FHIT: variants seen among roughly 807,000 people sequenced by gnomAD.
The protein encoded by FHIT is bis(5'-adenosyl)-triphosphatase.
In FHIT, 19 loss-of-function variants were observed where a neutral mutation model predicts 17.9. The ratio of observed to expected loss-of-function variants is 1.06; its 90% confidence interval spans 0.74 to 1.56. The LOEUF (loss-of-function observed/expected upper bound fraction) is 1.56. Among genes scored for constraint, FHIT ranks in the 40% most tolerant of loss-of-function variants. The pLI, the probability that FHIT is intolerant of heterozygous loss-of-function variation, is 0.00. For missense variants in FHIT, 248 were observed against 189.2 expected, an observed-to-expected ratio of 1.31 and a Z score of -1.82; for synonymous variants, 81 against 69.7, an observed-to-expected ratio of 1.16 and a Z score of -0.81.
intron 5 of FHIT, among the ~76,000 whole-genome samples, chr3:60,017,555 A>G (rs1330367799): frequency 2.6e-5 from 4 of 152,216 alleles, no homozygotes; most frequent in Non-Finnish European, 5.9e-5. Flanking sequence ...CTTGTTGGAC[A>G]GTCTAATTAC....
rs534086746 is a variant in FHIT, at chr3:61,224,939, T to C, written c.-212-24274A>G. Among the ~76,000 whole-genome samples the C allele has an allele frequency of 2.0e-5, 3 of 152,340 alleles. No homozygotes were observed. In the South Asian group the frequency reaches 6.2e-4, roughly 32 times the overall value. On this transcript the variant is annotated intron_variant, in intron 1 of 9. Transcript: ENST00000492590. ...GTTTTTACATGCATCTTCTCTTATA[T>C]AACACCATGAGATAAGTACTATTAT...
chr3:59,803,527 C>T (rs1700081719), intron 8 of FHIT, among the ~76,000 whole-genome samples: 1 of 152,176 alleles, frequency 6.6e-6, no homozygotes, highest in South Asian at 2.1e-4. Context: ...AGGCAGAAGG[C>T]CTCACTTTGA....
At position 60,629,351 on chromosome 3, in the gene FHIT, A is replaced by G. The variant is rs555460419; in HGVS notation, c.-17-92372T>C. The stretch of plus-strand genomic sequence containing the variant: ...TTAGGGAGATTCTTCAGATTTGCTC[A>G]CATAAGTGCTTTTGATTTGTCATAT... On this transcript the variant is annotated intron_variant, in intron 4 of 9. Coordinates refer to ENST00000492590, the MANE Select transcript of FHIT (RefSeq NM_002012.4). 4.3e-4 allele frequency among the ~76,000 whole-genome samples: 65 copies of G among 152,298 alleles called. 2 individuals are homozygous for G. In the South Asian group the frequency reaches 0.013, roughly 31 times the overall value.
chr3:60,156,590 A>G (rs572873433), intron 5 of FHIT, among the ~76,000 whole-genome samples: 2 of 150,870 alleles, frequency 1.3e-5, no homozygotes, highest in African/African-American at 2.4e-5. Flanking sequence ...CTCTATAAAA[A>G]TTTTTTTTTA....
chr3:61,047,777 G>T (rs1169037782), intron 2 of FHIT, among the ~76,000 whole-genome samples: 1 of 151,846 alleles, frequency 6.6e-6, no homozygotes, highest in African/African-American at 2.4e-5. Context: ...CCAAAACAGA[G>T]ATATAGACCA....
At chr3:60,374,211 A>T (rs1470604294) in intron 5 of FHIT, among the ~76,000 whole-genome samples, 1 of 152,198 alleles carries the variant, frequency 6.6e-6, no homozygotes, top group African/African-American at 2.4e-5. Context: ...AGGAGAATTA[A>T]TAGTTTAATT....
intron 5 of FHIT, among the ~76,000 whole-genome samples, chr3:60,523,912 T>A (rs17063440): frequency 2.6e-5 from 4 of 152,182 alleles, no homozygotes; most frequent in Non-Finnish European, 5.9e-5. Context: ...GTTAGGTACA[T>A]AGAAATCCTG....
intron 5 of FHIT, among the ~76,000 whole-genome samples, chr3:60,251,277 T>C (rs1371976804): frequency 1.3e-5 from 2 of 152,192 alleles, no homozygotes; most frequent in Admixed American, 6.5e-5. Flanking sequence ...ACAGATCATG[T>C]TGATTTTATG....
intron 7 of FHIT, among the ~76,000 whole-genome samples, chr3:59,997,223 T>C (rs1699549691): frequency 6.6e-6 from 1 of 152,112 alleles, no homozygotes; most frequent in East Asian, 1.9e-4. Context: ...AATCATGCCA[T>C]GTACACAGCC....
At chr3:60,588,726 A>G (rs2037986228) in intron 4 of FHIT, among the ~76,000 whole-genome samples, 1 of 151,984 alleles carries the variant, frequency 6.6e-6, no homozygotes, top group African/African-American at 2.4e-5. Context: ...ATGGCTCACT[A>G]CAGCCTCAAC....
intron 5 of FHIT, among the ~76,000 whole-genome samples, chr3:60,357,754 G>A (rs1357208885): frequency 2.0e-5 from 3 of 152,238 alleles, no homozygotes; most frequent in South Asian, 4.2e-4. Flanking sequence ...ATATTGCAAA[G>A]CATATTTTAA....
At chr3:61,029,447 G>A (rs753490638) in intron 3 of FHIT, among the ~76,000 whole-genome samples, 14 of 152,120 alleles carry the variant, frequency 9.2e-5, no homozygotes, top group Non-Finnish European at 1.5e-4. Flanking sequence ...TTTTACTGTG[G>A]GAATCTGATT....
chr3:59,817,092 C>T (rs756664251), intron 8 of FHIT, among the ~76,000 whole-genome samples: 10 of 152,132 alleles, frequency 6.6e-5, no homozygotes, highest in Non-Finnish European at 1.0e-4. Context: ...CCAGCGTCTT[C>T]GTAGATAGGA....
Position 61,046,117 on chromosome 3 carries a change from G to A in FHIT, c.-163-4018C>T, listed in dbSNP as rs188560353. ...GGGCAAAGAAATTCAAAAGCCAACAGAAGGCAAGAAATGACTAAGATCAGA... is the reference window on the plus strand; with the variant it reads ...GGGCAAAGAAATTCAAAAGCCAACAAAAGGCAAGAAATGACTAAGATCAGA... On this transcript the variant is annotated intron_variant, in intron 2 of 9. Coordinates refer to ENST00000492590, the MANE Select transcript of FHIT (RefSeq NM_002012.4). Among the ~76,000 whole-genome samples the A allele has an allele frequency of 4.0e-3, 606 of 152,264 alleles. 4 individuals are homozygous for A. Among genetic ancestry groups the A allele is most frequent in the African/African-American group, 0.014 (577 of 41,548 alleles).
At chr3:60,316,670 A>T (rs1044244484) in intron 5 of FHIT, among the ~76,000 whole-genome samples, 1 of 152,230 alleles carries the variant, frequency 6.6e-6, no homozygotes, top group Admixed American at 6.5e-5. Flanking sequence ...TACAACTGCC[A>T]CAGGCTCACT....
intron 3 of FHIT, among the ~76,000 whole-genome samples, chr3:60,964,881 A>C (rs1445410869): frequency 1.3e-5 from 2 of 151,976 alleles, no homozygotes; most frequent in Non-Finnish European, 2.9e-5. Flanking sequence ...CTTCATTTCA[A>C]CTTTGGTGAA....
At chr3:60,395,581 C>G (rs909697329) in intron 5 of FHIT, among the ~76,000 whole-genome samples, 1 of 151,972 alleles carries the variant, frequency 6.6e-6, no homozygotes, top group African/African-American at 2.4e-5. Flanking sequence ...AGTTTATGAG[C>G]TAGATAGAGA....
chr3:60,998,119 A>G (rs572107300), intron 3 of FHIT, among the ~76,000 whole-genome samples: 7 of 152,212 alleles, frequency 4.6e-5, no homozygotes, highest in Admixed American at 2.6e-4. Context: ...TAAAAAGTCA[A>G]CTTTCAAGAT....
intron 4 of FHIT, among the ~76,000 whole-genome samples, chr3:60,818,447 G>A (rs1701811422): frequency 6.6e-6 from 1 of 152,090 alleles, no homozygotes; most frequent in Non-Finnish European, 1.5e-5. Context: ...GTAGCAGCTC[G>A]AATCTCAGTT....
Sources: gnomAD v4.1 joint callset for allele counts (sites outside exome capture counted in the v4.1 genomes callset) on GRCh38, gnomAD v4.1.1 for gene constraint, MANE v1.5 for transcripts, NCBI Gene and HGNC (gene_info 2026-07-23, HGNC 2026-07-21) for gene names.